SAMMSON: variants seen among roughly 807,000 people sequenced by gnomAD.
SAMMSON encodes survival associated mitochondrial melanoma specific oncogenic non-coding RNA.
intron 7 of SAMMSON, among the ~76,000 whole-genome samples, chr3:70,339,781 T>C (rs1329682425): frequency 2.0e-5 from 3 of 152,034 alleles, no homozygotes; most frequent in Admixed American, 6.6e-5. Flanking sequence ...TGTGGAGAAA[T>C]AGGAACACTT....
chr3:70,351,011 T>C (rs1224815705), intron 7 of SAMMSON, among the ~76,000 whole-genome samples: 1 of 152,218 alleles, frequency 6.6e-6, no homozygotes, highest in Non-Finnish European at 1.5e-5. Context: ...GCAGTGGTTC[T>C]ATAGTACTCA....
At chr3:70,076,755 T>G (rs374594683) in intron 4 of SAMMSON, among the ~76,000 whole-genome samples, 1 of 152,268 alleles carries the variant, frequency 6.6e-6, no homozygotes, top group South Asian at 2.1e-4. Flanking sequence ...TATCAGCATG[T>G]TGGAATTTTT....
At chr3:70,302,235 C>T (rs1559558536) in intron 7 of SAMMSON, among the ~76,000 whole-genome samples, 1 of 152,096 alleles carries the variant, frequency 6.6e-6, no homozygotes, top group African/African-American at 2.4e-5. Flanking sequence ...TTCATTTGCT[C>T]TGTTCACATT....
intron 7 of SAMMSON, among the ~76,000 whole-genome samples, chr3:70,326,341 C>T (rs1378363522): frequency 6.6e-6 from 1 of 152,166 alleles, no homozygotes. Context: ...CTGTGCTGTA[C>T]TTTTCCAATC....
chr3:70,045,493 C>G (rs1399144789), intron 3 of SAMMSON, among the ~76,000 whole-genome samples: 1 of 151,552 alleles, frequency 6.6e-6, no homozygotes, highest in Non-Finnish European at 1.5e-5. Flanking sequence ...AGTCCAATGC[C>G]CTGCCACCAT....
intron 1 of SAMMSON, among the ~76,000 whole-genome samples, chr3:70,010,928 T>G (rs2066952246): frequency 6.6e-6 from 1 of 152,062 alleles, no homozygotes; most frequent in Admixed American, 6.5e-5. Context: ...GAGAACAGCA[T>G]GCAGGTGATG....
chr3:70,240,335 A>C (rs1239661549), intron 4 of SAMMSON, among the ~76,000 whole-genome samples: 1 of 151,728 alleles, frequency 6.6e-6, no homozygotes, highest in East Asian at 1.9e-4. Context: ...ATAACCAATT[A>C]CTTTTTTTTT....
chr3:70,087,809 C>A (rs1392813250), intron 4 of SAMMSON, among the ~76,000 whole-genome samples: 3 of 152,050 alleles, frequency 2.0e-5, no homozygotes, highest in African/African-American at 7.2e-5. Context: ...CTGAAGCAGT[C>A]ACAGCTCTAA....
intron 9 of SAMMSON, among the ~76,000 whole-genome samples, chr3:70,361,437 C>T (rs760594750): frequency 2.0e-5 from 3 of 152,138 alleles, no homozygotes; most frequent in Non-Finnish European, 2.9e-5. Context: ...GTCTCTGGGC[C>T]GTCATCTTTG....
At chr3:70,302,962 A>G (rs1702365058) in intron 7 of SAMMSON, among the ~76,000 whole-genome samples, 1 of 152,200 alleles carries the variant, frequency 6.6e-6, no homozygotes, top group South Asian at 2.1e-4. Context: ...TTGTTGGCCT[A>G]TGAGAACACA....
intron 9 of SAMMSON, among the ~76,000 whole-genome samples, chr3:70,383,113 T>A (rs949274377): frequency 6.6e-6 from 1 of 152,120 alleles, no homozygotes; most frequent in Non-Finnish European, 1.5e-5. Flanking sequence ...ACATGGGGAA[T>A]CCCAAAGTAT....
intron 4 of SAMMSON, among the ~76,000 whole-genome samples, chr3:70,227,340 T>C (rs1024174197): frequency 6.6e-6 from 1 of 152,240 alleles, no homozygotes; most frequent in Non-Finnish European, 1.5e-5. Context: ...AGTTTGTTTT[T>C]GTTTTTTCCA....
intron 2 of SAMMSON, among the ~76,000 whole-genome samples, chr3:70,013,361 G>A (rs1247435971): frequency 3.3e-5 from 5 of 152,104 alleles, no homozygotes; most frequent in Admixed American, 6.5e-5. Flanking sequence ...TACATATAAA[G>A]CATTTGGCAC....
At chr3:70,071,004 A>G (rs2067227131) in intron 3 of SAMMSON, among the ~76,000 whole-genome samples, 1 of 152,068 alleles carries the variant, frequency 6.6e-6, no homozygotes, top group South Asian at 2.1e-4. Context: ...TTAAAAGCCA[A>G]TCATTTTCTT....
At chr3:70,196,323 G>A (rs914762337) in intron 4 of SAMMSON, among the ~76,000 whole-genome samples, 2 of 152,146 alleles carry the variant, frequency 1.3e-5, no homozygotes, top group Non-Finnish European at 2.9e-5. Flanking sequence ...CACTGGAGAT[G>A]TTTTAGAGAC....
At chr3:70,406,389 G>A (rs192086406) in intron 2 of SAMMSON, among the ~76,000 whole-genome samples, 1 of 152,252 alleles carries the variant, frequency 6.6e-6, no homozygotes, top group African/African-American at 2.4e-5. Flanking sequence ...GAGAGAATTT[G>A]TGCTAACAGA....
chr3:70,196,423 TATAA>T (rs775717009), intron 4 of SAMMSON, among the ~76,000 whole-genome samples: 30 of 152,200 alleles, frequency 2.0e-4, no homozygotes, highest in Non-Finnish European at 3.2e-4. Context: ...TAAGAGACTG[TATAA>T]ATAAATTTTT....
At chr3:70,259,831 C>T (rs937810302) in intron 6 of SAMMSON, among the ~76,000 whole-genome samples, 1 of 152,132 alleles carries the variant, frequency 6.6e-6, no homozygotes, top group African/African-American at 2.4e-5. Flanking sequence ...CACAGTTCAG[C>T]ACAGCTGGGG....
intron 7 of SAMMSON, among the ~76,000 whole-genome samples, chr3:70,299,560 C>A (rs1473851746): frequency 6.6e-6 from 1 of 152,144 alleles, no homozygotes; most frequent in Non-Finnish European, 1.5e-5. Context: ...AATATCCAGT[C>A]CATGGCCAAG....
Sources: allele counts gnomAD v4.1 joint callset (sites outside exome capture counted in the v4.1 genomes callset), GRCh38; gene constraint gnomAD v4.1.1; transcripts MANE v1.5; gene names NCBI Gene and HGNC (gene_info 2026-07-23, HGNC 2026-07-21).